The following EBF3 variants were observed in gnomAD, a reference collection of about 807,000 sequenced individuals.
EBF3 encodes the protein transcription factor COE3.
In EBF3, 18 loss-of-function variants were observed where a neutral mutation model predicts 77.1. The observed-to-expected ratio is 0.23, with a 90% CI of 0.16 to 0.35. EBF3 has a LOEUF of 0.35. Among genes scored for constraint, EBF3 ranks in the 10% least tolerant of loss-of-function variants. The probability of loss-of-function intolerance (pLI) is 1.00; values close to 1 mark genes in which losing one functional copy is unlikely to be tolerated. For missense variants in EBF3, 558 were observed against 860.0 expected, an observed-to-expected ratio of 0.65 and a Z score of 4.39; for synonymous variants, 350 against 343.5, an observed-to-expected ratio of 1.02 and a Z score of -0.21.
Position 129,963,558 on chromosome 10 carries a change from G to T in EBF3, c.135-35C>A, listed in dbSNP as rs1273674093. 2 of 1,362,860 alleles carry T rather than the reference G, an allele frequency of 1.5e-6. No individual in the cohort carries two copies. Among genetic ancestry groups the T allele is most frequent in the African/African-American group, 3.1e-5 (2 of 65,294 alleles). 84.4% of individuals were successfully genotyped at this position (1,362,860 alleles called of 1,614,324 possible). On this transcript the variant is annotated intron_variant, in intron 1 of 16. Coordinates refer to ENST00000440978, the MANE Select transcript of EBF3 (RefSeq NM_001375380.1). This position sits in a 1 kb window ranked among gnomAD's most constrained non-coding sequence, Gnocchi z 7.1. ...GAAAGAGACAGCGGCCCGGTGAGGA[G>T]CGCGGCGCCGGCCGGCGGAGGGGGC...
intron 6 of EBF3, among the ~76,000 whole-genome samples, chr10:129,945,260 C>A (rs1191696491): frequency 6.6e-6 from 1 of 151,884 alleles, no homozygotes; most frequent in Admixed American, 6.6e-5. Flanking sequence ...AATGGCAAAG[C>A]ACTCCAAAAC....
In EBF3 at chr10:129,951,328, G is replaced by A. The variant is rs780072764; in HGVS notation, c.554+5930C>T. 3.2e-4 allele frequency among the ~76,000 whole-genome samples: 49 copies of A among 152,144 alleles called. 2 individuals carry two copies. Among genetic ancestry groups the A allele is most frequent in the Non-Finnish European group, 2.4e-4 (16 of 68,034 alleles). On this transcript the variant is annotated intron_variant, in intron 6 of 16. Coordinates refer to ENST00000440978, the MANE Select transcript of EBF3 (RefSeq NM_001375380.1). ...CAATTACAGGCACTGCAATATCTTC[G>A]CTCCTCACCTGATAAGGCTGCCGCA...
rs181938573 is a variant in EBF3, at chr10:129,897,832, C to A, written c.555-19983G>T. On this transcript the variant is annotated intron_variant, in intron 6 of 16. Coordinates refer to ENST00000440978, the MANE Select transcript of EBF3 (RefSeq NM_001375380.1). The surrounding 1 kb of genome is among the most constrained non-coding windows in gnomAD (Gnocchi z 4.6). The stretch of plus-strand genomic sequence containing the variant: ...CACTTGTGGGTATGCGAGTACATGG[C>A]GGCCAGAGGCAGATATCATTGAACT... Among the ~76,000 whole-genome samples, 5 of 152,288 alleles carry A rather than the reference C, an allele frequency of 3.3e-5. No homozygotes were observed. The East Asian group carries it at 9.6e-4, about 29-fold the overall frequency.
At chr10:129,960,030 C>A (rs1290976642) in intron 4 of EBF3, among the ~76,000 whole-genome samples, 6 of 151,942 alleles carry the variant, frequency 3.9e-5, no homozygotes, top group African/African-American at 1.5e-4. Flanking sequence ...AGCCCGGCTC[C>A]GCCGCTGGGA....
intron 10 of EBF3, among the ~76,000 whole-genome samples, chr10:129,850,151 T>A (rs1046574686): frequency 3.3e-5 from 5 of 152,252 alleles, no homozygotes; most frequent in African/African-American, 1.2e-4. Context: ...TTCTAACGTG[T>A]CAGGTTTCTC....
chr10:129,862,430 A>G (rs893749753), intron 10 of EBF3, among the ~76,000 whole-genome samples: 1 of 152,152 alleles, frequency 6.6e-6, no homozygotes, highest in African/African-American at 2.4e-5. Flanking sequence ...TCTGTCGCAG[A>G]CAACATGTTG....
chr10:129,962,152 G>A lies in EBF3; in HGVS notation c.411+19C>T. 6.2e-7 allele frequency: 1 copy of A among 1,613,952 alleles called. No homozygotes were observed. The highest frequency in any genetic ancestry group is 8.5e-7 in the Non-Finnish European group (1 of 1,179,886). On this transcript the variant is annotated intron_variant, in intron 4 of 16. Coordinates refer to ENST00000440978, the MANE Select transcript of EBF3 (RefSeq NM_001375380.1). ...AGGCCCAGCAGTGAAAACTCGTGCA[G>A]AGGCATAAACTTTCTCACCTGTTTG...
chr10:129,843,499 C>T (rs920575477), intron 11 of EBF3: 2 of 352,886 alleles, frequency 5.7e-6, no homozygotes, highest in Non-Finnish European at 1.1e-5. Flanking sequence ...GAGCCCAATC[C>T]GTGCCTGAGG....
At chr10:129,914,459 G>A (rs1288781796) in intron 6 of EBF3, among the ~76,000 whole-genome samples, 7 of 152,140 alleles carry the variant, frequency 4.6e-5, no homozygotes, top group South Asian at 2.1e-4. Flanking sequence ...TTGGCCACTC[G>A]GAACCGCAGG....
At position 129,952,975 on chromosome 10, in the gene EBF3, C is replaced by A. The variant is rs1410405693; in HGVS notation, c.554+4283G>T. 1.4e-5 allele frequency among the ~76,000 whole-genome samples: 2 copies of A among 146,926 alleles called. No individual in the cohort carries two copies. The highest frequency in any genetic ancestry group is 2.5e-5 in the African/African-American group (1 of 39,464). On this transcript the variant is annotated intron_variant, in intron 6 of 16. Coordinates refer to ENST00000440978, the MANE Select transcript of EBF3 (RefSeq NM_001375380.1). The surrounding 1 kb of genome is among the most constrained non-coding windows in gnomAD (Gnocchi z 4.7). ...ATAATTCAGTGAGCAGGACTGCCAG[C>A]AAAGGTCGGCTCTCTTTGACCTTTG...
At chr10:129,945,786 G>A (rs145400813) in intron 6 of EBF3, among the ~76,000 whole-genome samples, 4 of 152,062 alleles carry the variant, frequency 2.6e-5, no homozygotes, top group African/African-American at 4.8e-5. Flanking sequence ...CCCTGTCACC[G>A]CTCCCTTCGA....
rs576634987 is a variant in EBF3 at position 129,900,356 on chromosome 10, G to A, written c.555-22507C>T. ...AAGCTGTCAGGATGCAAAGAGAAAC[G>A]CAGAAAGACCGTTTTATAACCTAAG... On this transcript the variant is annotated intron_variant, in intron 6 of 16. Transcript: ENST00000440978. 3.9e-5 allele frequency among the ~76,000 whole-genome samples: 6 copies of A among 152,208 alleles called. No individual in the cohort carries two copies. In the South Asian group the frequency reaches 6.2e-4, roughly 16 times the overall value.
chr10:129,957,160 A>G, intron 6 of EBF3, 98 bp downstream of exon 6: 1 of 1,103,864 alleles, frequency 9.1e-7, no homozygotes, highest in Non-Finnish European at 1.3e-6. Context: ...TGGGCTCGAC[A>G]CCAGCCTCAA....
intron 6 of EBF3, among the ~76,000 whole-genome samples, chr10:129,903,146 G>C (rs1202515949): frequency 6.6e-6 from 1 of 152,226 alleles, no homozygotes; most frequent in African/African-American, 2.4e-5. Context: ...GCCTCCAACT[G>C]AAGTTCCATT....
At chr10:129,903,199 G>C (rs932230711) in intron 6 of EBF3, among the ~76,000 whole-genome samples, 2 of 152,222 alleles carry the variant, frequency 1.3e-5, no homozygotes, top group African/African-American at 4.8e-5. Context: ...CTGGTTTTGA[G>C]CATGTACTGG....
At chr10:129,843,478 C>G (rs560831168) in intron 11 of EBF3, 4 of 387,236 alleles carry the variant, frequency 1.0e-5, no homozygotes, top group African/African-American at 8.0e-5. Flanking sequence ...GCGGGAGGGC[C>G]GGCGGAGAAC....
At position 129,947,763 on chromosome 10, in the gene EBF3, G is replaced by A. The variant is rs568789272; in HGVS notation, c.554+9495C>T. Among the ~76,000 whole-genome samples the A allele has an allele frequency of 3.3e-5, 5 of 150,634 alleles. No individual in the cohort carries two copies. Among genetic ancestry groups the A allele is most frequent in the Non-Finnish European group, 7.4e-5 (5 of 67,884 alleles). On this transcript the variant is annotated intron_variant, in intron 6 of 16. Transcript: ENST00000440978. This position sits in a 1 kb window ranked among gnomAD's most constrained non-coding sequence, Gnocchi z 4.5. ...ACCCCACTGATGACATCCAAACACC[G>A]AAACATGACCTGCTACCTTGACAAG...
intron 11 of EBF3, among the ~76,000 whole-genome samples, chr10:129,847,242 G>T (rs1850536069): frequency 6.6e-6 from 1 of 152,074 alleles, no homozygotes; most frequent in African/African-American, 2.4e-5. Context: ...AAGGCATGTG[G>T]TCTGTCTATG....
At chr10:129,888,349 C>T (rs76240958) in intron 6 of EBF3, among the ~76,000 whole-genome samples, 3,261 of 152,304 alleles carry the variant, frequency 0.021, 55 homozygotes, top group Non-Finnish European at 0.032. Context: ...AACTGGTAGA[C>T]TCCTGATGGG....
Sources: allele counts gnomAD v4.1 joint callset (sites outside exome capture counted in the v4.1 genomes callset), GRCh38; gene constraint gnomAD v4.1.1; non-coding constraint Gnocchi (gnomAD v3.1); transcripts MANE v1.5; gene names NCBI Gene and HGNC (gene_info 2026-07-23, HGNC 2026-07-21).